TAFA1: variants seen among roughly 807,000 people sequenced by gnomAD.
The protein encoded by TAFA1 is TAFA chemokine like family member 1, also known as chemokine-like protein TAFA-1.
In TAFA1, 4 loss-of-function variants were observed where a neutral mutation model predicts 18.5. That is an observed-to-expected ratio of 0.22 (90% confidence interval 0.11 to 0.49). TAFA1 has a LOEUF of 0.49. Ranked by LOEUF, TAFA1 falls within the 20% of genes least tolerant of loss-of-function variation. The pLI, the probability that TAFA1 is intolerant of heterozygous loss-of-function variation, is 0.98. For synonymous variants in TAFA1, 56 were observed against 55.2 expected (o/e 1.01, Z -0.06); for missense variants, 147 against 169.0 (o/e 0.87, Z 0.72).
chr3:68,536,409 T>G (rs1300591546), intron 3 of TAFA1, among the ~76,000 whole-genome samples: 2 of 152,194 alleles, frequency 1.3e-5, no homozygotes, highest in African/African-American at 4.8e-5. Context: ...GTTGTGAGAC[T>G]TAAAGATCAT....
chr3:68,447,515 T>C (rs1048797810), intron 3 of TAFA1, among the ~76,000 whole-genome samples: 1 of 152,200 alleles, frequency 6.6e-6, no homozygotes, highest in African/African-American at 2.4e-5. Context: ...TTGTCCTTGT[T>C]CCAGAACCAT....
intron 2 of TAFA1, among the ~76,000 whole-genome samples, chr3:68,120,640 T>G (rs1197871514): frequency 6.6e-6 from 1 of 152,102 alleles, no homozygotes; most frequent in African/African-American, 2.4e-5. Context: ...GTTCACAAAC[T>G]TAAAGAAAAG....
At chr3:68,531,185 T>C (rs1318738822) in intron 3 of TAFA1, among the ~76,000 whole-genome samples, 1 of 152,170 alleles carries the variant, frequency 6.6e-6, no homozygotes, top group Non-Finnish European at 1.5e-5. Flanking sequence ...TTAGTGATAA[T>C]ACCTACTTTA....
intron 2 of TAFA1, among the ~76,000 whole-genome samples, chr3:68,037,909 T>C (rs371583662): frequency 8.6e-5 from 13 of 152,042 alleles, no homozygotes; most frequent in African/African-American, 2.7e-4. Context: ...CCAAAGAAAA[T>C]TGTGTGCGTG....
Position 68,254,147 on chromosome 3 carries a change from ATCTATCTATC to A in TAFA1, c.119-163131_119-163122del, listed in dbSNP as rs1559579818. 1.2e-4 allele frequency among the ~76,000 whole-genome samples: 15 copies of A among 129,388 alleles called. No homozygotes were observed. In the East Asian group the frequency reaches 1.7e-3, roughly 15 times the overall value. The allele number at this position is 129,388 out of a possible 152,430, so 84.9% of individuals were successfully genotyped here. ...TATGTATGTATGTATCTATCTATCT[ATCTATCTATC>A]TGTCTATCTATCTATCTATCTATCT... is the stretch of plus-strand genomic sequence containing the variant. On this transcript the variant is annotated intron_variant, in intron 2 of 4. Transcript: ENST00000478136.
At chr3:68,517,927 A>AAC (rs5849854) in intron 3 of TAFA1, among the ~76,000 whole-genome samples, 92,869 of 150,578 alleles carry the variant, frequency 0.62, 29,215 homozygotes, top group East Asian at 0.79. Flanking sequence ...CTTGCTGATA[A>AAC]ACACACACAC....
intron 2 of TAFA1, among the ~76,000 whole-genome samples, chr3:68,229,794 T>A (rs2066847932): frequency 6.6e-6 from 1 of 152,198 alleles, no homozygotes; most frequent in Non-Finnish European, 1.5e-5. Flanking sequence ...GTTTCTCTAC[T>A]TACATGTGTA....
chr3:68,013,787 T>G (rs186549787), intron 2 of TAFA1, among the ~76,000 whole-genome samples: 103 of 152,276 alleles, frequency 6.8e-4, no homozygotes, highest in African/African-American at 2.4e-3. Context: ...ATTATTTCTT[T>G]CTCTTTTCCC....
chr3:68,071,477 C>G (rs1006955430), intron 2 of TAFA1, among the ~76,000 whole-genome samples: 3 of 152,100 alleles, frequency 2.0e-5, no homozygotes, highest in African/African-American at 7.2e-5. Flanking sequence ...ATCACATCAT[C>G]AGTGGGGTGA....
rs768495953 is a variant in TAFA1, at chr3:68,273,854, A to C, written c.119-143426A>C. On this transcript the variant is annotated intron_variant, in intron 2 of 4. Transcript: ENST00000478136. ...ATTCCTTTTTAAATCCCTAGGACTC[A>C]GTTTCACTGTCCGTAACATGAGCAG... 4.6e-5 allele frequency among the ~76,000 whole-genome samples: 7 copies of C among 152,256 alleles called. No homozygotes were observed. In the East Asian group the frequency reaches 5.8e-4, roughly 13 times the overall value.
intron 3 of TAFA1, among the ~76,000 whole-genome samples, chr3:68,517,517 T>G (rs1219469205): frequency 6.6e-6 from 1 of 152,160 alleles, no homozygotes; most frequent in Non-Finnish European, 1.5e-5. Flanking sequence ...TGCAAATGTG[T>G]AGTCAAGTGG....
chr3:68,044,961 A>G, intron 2 of TAFA1, among the ~76,000 whole-genome samples: 1 of 152,194 alleles, frequency 6.6e-6, no homozygotes, highest in South Asian at 2.1e-4. Context: ...AAAGATACCC[A>G]CAGGAACTCA....
At chr3:68,307,800 G>T (rs890190598) in intron 2 of TAFA1, among the ~76,000 whole-genome samples, 1 of 144,356 alleles carries the variant, frequency 6.9e-6, no homozygotes, top group Non-Finnish European at 1.6e-5. Flanking sequence ...AAGACATAAG[G>T]GGTGAGCTCC....
intron 2 of TAFA1, among the ~76,000 whole-genome samples, chr3:68,300,980 A>G (rs2068294284): frequency 1.3e-5 from 2 of 152,206 alleles, no homozygotes; most frequent in East Asian, 1.9e-4. Flanking sequence ...CTTAATAGCA[A>G]TATGAGAACA....
At chr3:68,174,035 G>A (rs1056920825) in intron 2 of TAFA1, among the ~76,000 whole-genome samples, 1 of 152,096 alleles carries the variant, frequency 6.6e-6, no homozygotes, top group African/African-American at 2.4e-5. Context: ...TCTTATAGAA[G>A]TTTTATTCCA....
intron 2 of TAFA1, among the ~76,000 whole-genome samples, chr3:68,027,031 A>C (rs1427138764): frequency 6.6e-6 from 1 of 152,010 alleles, no homozygotes; most frequent in Non-Finnish European, 1.5e-5. Context: ...GAGGTGGCAC[A>C]CACTTTTAAA....
intron 2 of TAFA1, among the ~76,000 whole-genome samples, chr3:68,059,616 C>T (rs1027509949): frequency 2.0e-5 from 3 of 152,114 alleles, no homozygotes; most frequent in African/African-American, 7.2e-5. Context: ...AGTATCTTGA[C>T]CTCTACAGTA....
chr3:68,414,871 T>G (rs1206312374), intron 2 of TAFA1, among the ~76,000 whole-genome samples: 1 of 152,234 alleles, frequency 6.6e-6, no homozygotes, highest in Admixed American at 6.5e-5. Flanking sequence ...TGTGCCATTT[T>G]CAATCATAAA....
intron 2 of TAFA1, among the ~76,000 whole-genome samples, chr3:68,217,122 C>A (rs1199965145): frequency 6.6e-6 from 1 of 151,982 alleles, no homozygotes; most frequent in Non-Finnish European, 1.5e-5. Flanking sequence ...AGAAACCTGG[C>A]AAAGATTACC....
Sources: allele counts gnomAD v4.1 joint callset (sites outside exome capture counted in the v4.1 genomes callset), GRCh38; gene constraint gnomAD v4.1.1; transcripts MANE v1.5; gene names NCBI Gene and HGNC (gene_info 2026-07-23, HGNC 2026-07-21).